The following TENM3 variants were observed in gnomAD, a reference collection of about 807,000 sequenced individuals.
The protein encoded by TENM3 is teneurin transmembrane protein 3, also known as teneurin-3.
TENM3 carries 63 observed loss-of-function variants against 255.1 expected under a neutral mutation model. The ratio of observed to expected loss-of-function variants is 0.25; its 90% confidence interval spans 0.20 to 0.30. The LOEUF (loss-of-function observed/expected upper bound fraction) is 0.30, where lower values mean the gene tolerates loss of function less well. Ranked by LOEUF, TENM3 falls within the 10% of genes least tolerant of loss-of-function variation. The pLI is 1.00. For missense variants in TENM3, 2,929 were observed against 3,461.1 expected, an observed-to-expected ratio of 0.85 and a Z score of 3.86; for synonymous variants, 1,306 against 1,322.3, an observed-to-expected ratio of 0.99 and a Z score of 0.27.
rs143507146 is a variant in TENM3, at chr4:182,692,923, A to C, written c.2221+4572A>C. Reference sequence around the variant, plus strand: ...CTTGTGTAGTAGCCCTATTTGAAGGACCCCTCAAGGTCTCTTGCAGTTCTA... The same window carrying C: ...CTTGTGTAGTAGCCCTATTTGAAGGCCCCCTCAAGGTCTCTTGCAGTTCTA... On this transcript the variant is annotated intron_variant, in intron 12 of 27. Transcript: ENST00000511685. 1.8e-3 allele frequency among the ~76,000 whole-genome samples: 273 copies of C among 151,784 alleles called. 1 individual carries two copies. The highest frequency in any genetic ancestry group is 6.3e-3 in the African/African-American group (260 of 41,376).
chr4:181,820,944 T>A, the TENM3 span, among the ~76,000 whole-genome samples: 1 of 152,218 alleles, frequency 6.6e-6, no homozygotes, highest in Non-Finnish European at 1.5e-5. Context: ...TAAGTGTCTA[T>A]GTTGACACTT....
At chr4:182,605,185 A>G (rs1748288466) in intron 4 of TENM3, among the ~76,000 whole-genome samples, 1 of 152,192 alleles carries the variant, frequency 6.6e-6, no homozygotes, top group Non-Finnish European at 1.5e-5. Context: ...CTGATAACTA[A>G]TAAACTACCA....
the TENM3 span, among the ~76,000 whole-genome samples, chr4:181,468,472 T>C: frequency 6.6e-6 from 1 of 152,354 alleles, no homozygotes; most frequent in Non-Finnish European, 1.5e-5. Context: ...TATTTCTGCA[T>C]GTATCATCCT....
chr4:182,240,504 C>G (rs2150061317), upstream of TENM3, among the ~76,000 whole-genome samples: 1 of 152,274 alleles, frequency 6.6e-6, no homozygotes, highest in Non-Finnish European at 1.5e-5. Flanking sequence ...ACTGTGGTGT[C>G]AGGATTAGAG....
At chr4:182,032,021 C>G in the TENM3 span, among the ~76,000 whole-genome samples, 2 of 152,138 alleles carry the variant, frequency 1.3e-5, no homozygotes, top group African/African-American at 4.8e-5. Flanking sequence ...GACTTCCCCT[C>G]TTCCTATCTG....
intron 1 of TENM3, among the ~76,000 whole-genome samples, chr4:182,152,139 C>T (rs1314888319): frequency 6.6e-6 from 1 of 151,790 alleles, no homozygotes; most frequent in Non-Finnish European, 1.5e-5. Context: ...AAAGAAAGTA[C>T]ATTTGTTGCC....
the TENM3 span, among the ~76,000 whole-genome samples, chr4:181,962,144 A>G: frequency 2.0e-5 from 3 of 152,242 alleles, no homozygotes; most frequent in African/African-American, 7.2e-5. Context: ...TCTAGCTAAC[A>G]TAAATTAGAC....
intron 22 of TENM3, among the ~76,000 whole-genome samples, chr4:182,767,737 A>G (rs1763842810): frequency 6.6e-6 from 1 of 152,178 alleles, no homozygotes; most frequent in African/African-American, 2.4e-5. Context: ...CCAAGTCTGA[A>G]AGCAAACCCG....
chr4:182,270,947 CTG>C (rs745966159), intron 1 of TENM3, among the ~76,000 whole-genome samples: 3 of 152,192 alleles, frequency 2.0e-5, no homozygotes, highest in Non-Finnish European at 2.9e-5. Context: ...TTGATTGACA[CTG>C]TGTAAAAATA....
At chr4:181,874,414 A>T in the TENM3 span, 1 of 152,144 alleles carries the variant, frequency 6.6e-6, no homozygotes, top group Non-Finnish European at 1.5e-5. Flanking sequence ...AATCTCTGTT[A>T]TTAGGTGCAT....
chr4:182,238,327 C>T (rs749745384), intron 1 of TENM3, among the ~76,000 whole-genome samples: 6 of 152,164 alleles, frequency 3.9e-5, no homozygotes, highest in Admixed American at 2.0e-4. Context: ...AAATAAAGCT[C>T]ATTCCTTCCC....
intron 3 of TENM3, among the ~76,000 whole-genome samples, chr4:182,489,240 G>A (rs1343003954): frequency 1.4e-5 from 2 of 147,142 alleles, no homozygotes; most frequent in Non-Finnish European, 1.5e-5. Context: ...ATTTTATAAT[G>A]TGCTCTAATA....
At chr4:182,706,848 G>A (rs1561136898) in intron 12 of TENM3, among the ~76,000 whole-genome samples, 1 of 151,926 alleles carries the variant, frequency 6.6e-6, no homozygotes, top group East Asian at 1.9e-4. Context: ...CAGCTACTTG[G>A]GAGGCCGAGG....
the TENM3 span, among the ~76,000 whole-genome samples, chr4:181,825,400 C>CA: frequency 0.041 from 2,878 of 70,382 alleles, 486 homozygotes; most frequent in African/African-American, 0.11. Context: ...GACTCCATCT[C>CA]AAAAAAAAAA....
the TENM3 span, among the ~76,000 whole-genome samples, chr4:181,769,205 C>T: frequency 5.3e-5 from 8 of 152,168 alleles, no homozygotes; most frequent in African/African-American, 1.9e-4. Flanking sequence ...TGAAGAATCT[C>T]GAAAAAGCAT....
chr4:182,126,485 C>A, the TENM3 span, among the ~76,000 whole-genome samples: 1 of 152,106 alleles, frequency 6.6e-6, no homozygotes, highest in African/African-American at 2.4e-5. Flanking sequence ...CTGGCTTGGG[C>A]ACAGATTTAG....
chr4:182,726,658 C>T (rs1262003815), intron 13 of TENM3, among the ~76,000 whole-genome samples: 8 of 152,120 alleles, frequency 5.3e-5, no homozygotes, highest in East Asian at 1.9e-4. Flanking sequence ...GATACGCAAA[C>T]GAAAAGTTTC....
At chr4:181,993,418 T>C in the TENM3 span, among the ~76,000 whole-genome samples, 1 of 152,182 alleles carries the variant, frequency 6.6e-6, no homozygotes, top group Non-Finnish European at 1.5e-5. Flanking sequence ...AAAAACTATA[T>C]TGCTGTTATA....
intron 3 of TENM3, among the ~76,000 whole-genome samples, chr4:182,577,706 A>T (rs1745071040): frequency 6.6e-6 from 1 of 152,126 alleles, no homozygotes; most frequent in Non-Finnish European, 1.5e-5. Context: ...AAATTTGGGG[A>T]ATCTATTTTT....
Sources: gnomAD v4.1 joint callset for allele counts (sites outside exome capture counted in the v4.1 genomes callset) on GRCh38, gnomAD v4.1.1 for gene constraint, MANE v1.5 for transcripts, NCBI Gene and HGNC (gene_info 2026-07-23, HGNC 2026-07-21) for gene names.